CAMK2D: variants seen among roughly 807,000 people sequenced by gnomAD.
CAMK2D encodes the protein calcium/calmodulin dependent protein kinase II delta, also known as calcium/calmodulin-dependent protein kinase type II subunit delta.
A neutral mutation model predicts 84.0 loss-of-function variants in CAMK2D; 37 were observed. That is an observed-to-expected ratio of 0.44 (90% CI 0.34 to 0.58). The LOEUF (loss-of-function observed/expected upper bound fraction) is 0.58. Ranked by LOEUF, CAMK2D falls within the 20% of genes least tolerant of loss-of-function variation. The probability of loss-of-function intolerance (pLI) is 0.02; values close to 1 mark genes in which losing one functional copy is unlikely to be tolerated. For synonymous variants in CAMK2D, 202 were observed against 212.5 expected (o/e 0.95, Z 0.43); for missense variants, 448 against 652.5 (o/e 0.69, Z 3.41).
At chr4:113,545,261 A>G (rs1000535053) in intron 6 of CAMK2D, among the ~76,000 whole-genome samples, 3 of 152,190 alleles carry the variant, frequency 2.0e-5, no homozygotes, top group Non-Finnish European at 2.9e-5. Flanking sequence ...GAGGGCTTAT[A>G]TACAAATTGT....
chr4:113,619,715 A>G (rs1476022546), intron 3 of CAMK2D, among the ~76,000 whole-genome samples: 1 of 152,204 alleles, frequency 6.6e-6, no homozygotes, highest in Admixed American at 6.5e-5. Context: ...TTGTAAATAC[A>G]GATTTTTTTT....
At chr4:113,512,257 T>A (rs1441355981) in intron 12 of CAMK2D, among the ~76,000 whole-genome samples, 1 of 152,208 alleles carries the variant, frequency 6.6e-6, no homozygotes, top group Non-Finnish European at 1.5e-5. Flanking sequence ...TGAGACAATC[T>A]ATCAAAGAAG....
intron 2 of CAMK2D, among the ~76,000 whole-genome samples, chr4:113,731,242 TAAG>T (rs1317230526): frequency 7.2e-5 from 11 of 152,122 alleles, no homozygotes; most frequent in African/African-American, 2.7e-4. Flanking sequence ...TTAGGAGAAC[TAAG>T]AAGGTCAATG....
intron 3 of CAMK2D, among the ~76,000 whole-genome samples, chr4:113,650,997 A>G (rs1028616765): frequency 6.6e-6 from 1 of 152,218 alleles, no homozygotes; most frequent in South Asian, 2.1e-4. Context: ...GTTAAAACAC[A>G]CAATAGCCCA....
intron 4 of CAMK2D, among the ~76,000 whole-genome samples, chr4:113,593,913 G>A (rs1038860491): frequency 2.0e-5 from 3 of 151,116 alleles, no homozygotes; most frequent in African/African-American, 7.3e-5. Flanking sequence ...TACCAGAGTT[G>A]TGCTTTTTTT....
At chr4:113,524,638 T>C (rs1030732845) in intron 8 of CAMK2D, among the ~76,000 whole-genome samples, 9 of 152,188 alleles carry the variant, frequency 5.9e-5, no homozygotes, top group Non-Finnish European at 1.2e-4. Context: ...CTTCTTTCAA[T>C]TCTTTTGGAT....
chr4:113,679,328 T>C (rs2099330967), intron 2 of CAMK2D: 1 of 236,138 alleles, frequency 4.2e-6, no homozygotes, highest in Non-Finnish European at 6.9e-6. Context: ...TTAGGTTTAC[T>C]AATACACGTA....
intron 4 of CAMK2D, among the ~76,000 whole-genome samples, chr4:113,588,438 ATAAC>A (rs2098843868): frequency 1.3e-5 from 2 of 152,336 alleles, no homozygotes; most frequent in South Asian, 4.1e-4. Flanking sequence ...CCATACAGGC[ATAAC>A]TATTTTCATT....
chr4:113,637,795 C>A (rs1195047564), intron 3 of CAMK2D, among the ~76,000 whole-genome samples: 1 of 151,972 alleles, frequency 6.6e-6, no homozygotes, highest in East Asian at 1.9e-4. Flanking sequence ...TAGGTTGGTT[C>A]CCAGGCCTCT....
At chr4:113,492,745 T>G (rs1453875002) in intron 16 of CAMK2D, among the ~76,000 whole-genome samples, 6 of 146,288 alleles carry the variant, frequency 4.1e-5, no homozygotes, top group South Asian at 4.3e-4. Context: ...AGTGGGGTGT[T>G]AAAGTCTCCC....
chr4:113,731,827 G>A (rs917581858), intron 2 of CAMK2D, among the ~76,000 whole-genome samples: 5 of 151,934 alleles, frequency 3.3e-5, no homozygotes, highest in Non-Finnish European at 5.9e-5. Flanking sequence ...CTCATGATCC[G>A]CCTGCCTCGG....
intron 8 of CAMK2D, among the ~76,000 whole-genome samples, chr4:113,526,748 G>A (rs1293841254): frequency 6.6e-6 from 1 of 152,002 alleles, no homozygotes; most frequent in Non-Finnish European, 1.5e-5. Flanking sequence ...ATTGAACATA[G>A]TGTGTTTTGT....
chr4:113,575,984 T>C (rs2098779965), intron 4 of CAMK2D, among the ~76,000 whole-genome samples: 1 of 152,184 alleles, frequency 6.6e-6, no homozygotes, highest in Non-Finnish European at 1.5e-5. Flanking sequence ...TTTTTATAAG[T>C]ATCTTCTAGC....
rs776050246 is a variant in CAMK2D, at chr4:113,453,215, T to C, written c.*1330A>G. On this transcript the variant is annotated 3_prime_UTR_variant, in exon 21 of 21. Transcript: ENST00000511664. ...TTGGAGGAAGACAATGATACTCTGA[T>C]TCAAGAGAGAAGCTAAAAAAGCACA... 3 of 152,176 alleles carry C rather than the reference T, an allele frequency of 2.0e-5. No individual in the cohort carries two copies. Among genetic ancestry groups the C allele is most frequent in the Non-Finnish European group, 4.4e-5 (3 of 68,030 alleles). The allele number at this position is 152,176 out of a possible 1,614,324, so 9.4% of individuals were successfully genotyped here. A position where few individuals can be genotyped will look rare whatever the true frequency, so the allele number is the denominator to read the frequency against.
intron 16 of CAMK2D, among the ~76,000 whole-genome samples, chr4:113,492,729 G>A (rs2097861378): frequency 6.8e-6 from 1 of 146,858 alleles, no homozygotes. Context: ...TCTGTCTAAT[G>A]TTGAGAGTGG....
At chr4:113,662,285 C>T (rs1024059396) in intron 2 of CAMK2D, among the ~76,000 whole-genome samples, 1 of 152,128 alleles carries the variant, frequency 6.6e-6, no homozygotes, top group African/African-American at 2.4e-5. Flanking sequence ...GATGCTCTTC[C>T]TAATATCAAA....
At chr4:113,617,333 C>T (rs999307769) in intron 3 of CAMK2D, among the ~76,000 whole-genome samples, 4 of 151,768 alleles carry the variant, frequency 2.6e-5, no homozygotes, top group African/African-American at 9.7e-5. Flanking sequence ...TGTGGTCACC[C>T]ATGCCTGTAG....
At chr4:113,652,887 T>C (rs954692456) in intron 3 of CAMK2D, among the ~76,000 whole-genome samples, 9 of 152,152 alleles carry the variant, frequency 5.9e-5, no homozygotes, top group Non-Finnish European at 1.2e-4. Flanking sequence ...ACAGAAGGAC[T>C]CTTTTTCTCC....
intron 2 of CAMK2D, among the ~76,000 whole-genome samples, chr4:113,729,422 C>T (rs1423731076): frequency 6.6e-6 from 1 of 152,188 alleles, no homozygotes; most frequent in African/African-American, 2.4e-5. Flanking sequence ...ACATGAACTA[C>T]ACTGGGCCTT....
Sources: gnomAD v4.1 joint callset for allele counts (sites outside exome capture counted in the v4.1 genomes callset) on GRCh38, gnomAD v4.1.1 for gene constraint, MANE v1.5 for transcripts, NCBI Gene and HGNC (gene_info 2026-07-23, HGNC 2026-07-21) for gene names.